LY96: variants seen among roughly 807,000 people sequenced by gnomAD.
The protein encoded by LY96 is myeloid differentiation protein-2.
A neutral mutation model predicts 18.9 loss-of-function variants in LY96; 18 were observed. The ratio of observed to expected loss-of-function variants is 0.95; its 90% CI spans 0.66 to 1.41. LY96 has a LOEUF of 1.41. LY96 is among the 40% of genes most tolerant of loss of function. LY96 has a pLI of 0.00. For missense variants in LY96, 175 were observed against 182.4 expected, an observed-to-expected ratio of 0.96 and a Z score of 0.23; for synonymous variants, 66 against 62.6, an observed-to-expected ratio of 1.06 and a Z score of -0.26.
chr8:74,058,449 C>T, the LY96 span, among the ~76,000 whole-genome samples: 1 of 151,880 alleles, frequency 6.6e-6, no homozygotes, highest in African/African-American at 2.4e-5. Context: ...ATGTATTAGT[C>T]AGGGTTCTCC....
intron 1 of LY96, among the ~76,000 whole-genome samples, chr8:73,994,561 A>G (rs543292380): frequency 6.6e-6 from 1 of 152,166 alleles, no homozygotes; most frequent in Non-Finnish European, 1.5e-5. Context: ...ATCATGGCTC[A>G]CTGCAGCCTC....
the LY96 span, among the ~76,000 whole-genome samples, chr8:74,068,089 A>AAATATATATATATATAT: frequency 5.9e-5 from 4 of 67,932 alleles, no homozygotes; most frequent in African/African-American, 2.9e-4. Context: ...AAAAAAAAAA[A>AAATATATATATATATAT]ATATATATAT....
intron 1 of LY96, among the ~76,000 whole-genome samples, chr8:73,998,101 C>T (rs890078061): frequency 2.0e-5 from 3 of 152,092 alleles, no homozygotes; most frequent in African/African-American, 7.2e-5. Flanking sequence ...TCATAACTGG[C>T]CCTTATCCAG....
At chr8:74,054,969 T>C in the LY96 span, among the ~76,000 whole-genome samples, 132 of 152,264 alleles carry the variant, frequency 8.7e-4, 1 homozygote, top group African/African-American at 3.0e-3. Flanking sequence ...TGCAGTGGCC[T>C]GATCATGACC....
intron 1 of LY96, among the ~76,000 whole-genome samples, chr8:73,997,727 G>A (rs761791824): frequency 3.9e-5 from 6 of 152,142 alleles, no homozygotes; most frequent in Non-Finnish European, 7.3e-5. Context: ...TCTTGGGTTT[G>A]ATCATTGTTA....
At chr8:74,039,260 A>T in the LY96 span, among the ~76,000 whole-genome samples, 1 of 152,094 alleles carries the variant, frequency 6.6e-6, no homozygotes, top group South Asian at 2.1e-4. Flanking sequence ...TGAGCTCCTT[A>T]TATATTCTGG....
At chr8:74,088,643 T>C in the LY96 span, among the ~76,000 whole-genome samples, 2 of 152,184 alleles carry the variant, frequency 1.3e-5, no homozygotes, top group African/African-American at 2.4e-5. Flanking sequence ...TGGAGTGCAG[T>C]GGCACGATCT....
chr8:74,097,585 T>C, the LY96 span, among the ~76,000 whole-genome samples: 3 of 152,142 alleles, frequency 2.0e-5, no homozygotes, highest in African/African-American at 7.2e-5. Context: ...GATGTGTGAC[T>C]GTAGTCCCAG....
intron 3 of LY96, among the ~76,000 whole-genome samples, chr8:74,014,812 TACAC>T (rs111566455): frequency 0.011 from 1,597 of 144,738 alleles, 8 homozygotes; most frequent in East Asian, 0.04. Context: ...CTCACCAGTT[TACAC>T]ACACACACAC....
At chr8:74,055,155 G>A in the LY96 span, among the ~76,000 whole-genome samples, 19 of 152,046 alleles carry the variant, frequency 1.2e-4, no homozygotes, top group South Asian at 8.3e-4. Context: ...CAATCTTCTC[G>A]CCTTAGCCTC....
the LY96 span, among the ~76,000 whole-genome samples, chr8:74,049,301 A>G: frequency 6.6e-6 from 1 of 152,210 alleles, no homozygotes; most frequent in Non-Finnish European, 1.5e-5. Context: ...CAGCCAGACC[A>G]TACCACTCGT....
intron 1 of LY96, among the ~76,000 whole-genome samples, chr8:74,003,016 T>C (rs1816331122): frequency 1.3e-5 from 2 of 152,290 alleles, no homozygotes; most frequent in South Asian, 2.1e-4. Context: ...GTAAATCATA[T>C]AACTTCATTT....
chr8:74,018,419 A>G (rs1369311296), intron 3 of LY96, among the ~76,000 whole-genome samples: 4 of 152,198 alleles, frequency 2.6e-5, no homozygotes, highest in Non-Finnish European at 5.9e-5. Context: ...CCAGATTCAT[A>G]AAGCAAGTCC....
At chr8:74,032,535 C>T (rs762479021), downstream of LY96, among the ~76,000 whole-genome samples, 2 of 152,182 alleles carry the variant, frequency 1.3e-5, no homozygotes, top group Non-Finnish European at 1.5e-5. Context: ...GACCCTCTTA[C>T]GCGGACCCCC....
the LY96 span, among the ~76,000 whole-genome samples, chr8:74,041,321 T>A: frequency 1.6e-4 from 25 of 152,294 alleles, no homozygotes; most frequent in Admixed American, 5.2e-4. Flanking sequence ...GGACAACTAT[T>A]GTGTTAACTG....
At chr8:74,089,750 G>A in the LY96 span, among the ~76,000 whole-genome samples, 4 of 151,402 alleles carry the variant, frequency 2.6e-5, 1 homozygote, top group South Asian at 6.3e-4. Flanking sequence ...TGGATAAATG[G>A]GGGGTGGGGG....
the LY96 span, among the ~76,000 whole-genome samples, chr8:74,041,838 T>TGCCTTTTGTCCTGTTTC: frequency 6.6e-6 from 1 of 152,252 alleles, no homozygotes; most frequent in East Asian, 1.9e-4. Flanking sequence ...AGTTCTGTTT[T>TGCCTTTTGTCCTGTTTC]GCCTTTTGTC....
chr8:74,076,270 C>T, the LY96 span, among the ~76,000 whole-genome samples: 3 of 151,862 alleles, frequency 2.0e-5, no homozygotes, highest in East Asian at 5.8e-4. Context: ...TTAAGAAAGA[C>T]TTAAGGGACA....
chr8:74,084,221 G>A, the LY96 span, among the ~76,000 whole-genome samples: 1 of 152,118 alleles, frequency 6.6e-6, no homozygotes, highest in Non-Finnish European at 1.5e-5. Flanking sequence ...TCTCATAGGT[G>A]GTAGTGTGTG....
Sources: allele counts gnomAD v4.1 joint callset (sites outside exome capture counted in the v4.1 genomes callset), GRCh38; gene constraint gnomAD v4.1.1; transcripts MANE v1.5; gene names NCBI Gene and HGNC (gene_info 2026-07-23, HGNC 2026-07-21).